The following PLD5 variants were observed in gnomAD, a reference collection of about 807,000 sequenced individuals.
PLD5 encodes inactive phospholipase D5.
A neutral mutation model predicts 61.1 loss-of-function variants in PLD5; 36 were observed. The ratio of observed to expected loss-of-function variants is 0.59; its 90% CI spans 0.45 to 0.78. The LOEUF (loss-of-function observed/expected upper bound fraction) is 0.78. Ranked by LOEUF, PLD5 falls within the 30% of genes least tolerant of loss-of-function variation. The pLI is 0.00. For missense variants in PLD5, 515 were observed against 644.4 expected (o/e 0.80, Z 2.17); for synonymous variants, 243 against 242.8 (o/e 1.00, Z -0.01).
chr1:242,315,884 G>A (rs1480772631), intron 2 of PLD5, among the ~76,000 whole-genome samples: 1 of 152,176 alleles, frequency 6.6e-6, no homozygotes, highest in Non-Finnish European at 1.5e-5. Flanking sequence ...AGTTTGATAA[G>A]ACAGCCTCAG....
At chr1:242,324,042 C>T (rs112235024) in intron 2 of PLD5, among the ~76,000 whole-genome samples, 1 of 151,606 alleles carries the variant, frequency 6.6e-6, no homozygotes, top group Admixed American at 6.6e-5. Context: ...TCTTTATCTT[C>T]ACCAGATGCA....
chr1:242,202,355 T>C (rs11577736), intron 5 of PLD5, among the ~76,000 whole-genome samples: 18,254 of 152,210 alleles, frequency 0.12, 1,218 homozygotes, highest in South Asian at 0.25. Context: ...CTAATAATAA[T>C]AATCATGGTG....
intron 2 of PLD5, among the ~76,000 whole-genome samples, chr1:242,346,888 T>A (rs1390366432): frequency 6.6e-6 from 1 of 152,218 alleles, no homozygotes; most frequent in Non-Finnish European, 1.5e-5. Context: ...CTCCCACTTA[T>A]AAGTCAGAAC....
chr1:242,210,208 C>A (rs537656585), intron 5 of PLD5, among the ~76,000 whole-genome samples: 17 of 152,290 alleles, frequency 1.1e-4, no homozygotes, highest in African/African-American at 4.1e-4. Flanking sequence ...AGGAAAAGTT[C>A]TTGAAGAAAA....
At chr1:242,257,036 C>CTAT (rs1673095217) in intron 4 of PLD5, among the ~76,000 whole-genome samples, 1 of 136,430 alleles carries the variant, frequency 7.3e-6, no homozygotes, top group African/African-American at 2.8e-5. Context: ...TACCTACCTA[C>CTAT]CTTCTATCTA....
Position 242,288,414 on chromosome 1 carries a change from T to G in PLD5, c.443A>C (p.Asp148Ala), listed in dbSNP as rs778471016. ...GAGATCCCAATGGGAAGACACTATG[T>G]CAACAGACTTTTTGGCCATGTTGAG... ...NLLNMAKKSV[D>A]IVSSHWDLNH... The change falls in exon 3 of 10, where the codon GAC (aspartate) becomes GCC (alanine). Residue 148 changes from aspartate (D) to alanine (A), a missense_variant. This residue lies in a region of PLD5 where 450 missense variants were observed against 598.1 expected (regional missense o/e 0.75). Transcript: ENST00000536534. 59 of 1,612,648 alleles carry G rather than the reference T, an allele frequency of 3.7e-5. No homozygotes were observed. In the South Asian group the frequency reaches 6.5e-4, roughly 18 times the overall value.
chr1:242,298,502 C>T lies in PLD5; in HGVS notation c.327-9972G>A, dbSNP rs192916918. Among the ~76,000 whole-genome samples, 140 of 152,212 alleles carry T rather than the reference C, an allele frequency of 9.2e-4. 1 individual carries two copies. In the Middle Eastern group the frequency reaches 0.01, roughly 11 times the overall value. On this transcript the variant is annotated intron_variant, in intron 2 of 9. Transcript: ENST00000536534. ...ATGCCACTGAGCTGGGATTTTAATT[C>T]AGGTTTTTGTCTGAGCTTGTGTGTT...
chr1:242,528,249 A>C (rs1399803944), upstream of PLD5, among the ~76,000 whole-genome samples: 1 of 152,202 alleles, frequency 6.6e-6, no homozygotes, highest in Admixed American at 6.5e-5. Context: ...ACCTCAAGTG[A>C]TTGCTACAGG....
chr1:242,242,004 T>TAGACAC (rs1377532947), intron 4 of PLD5, among the ~76,000 whole-genome samples: 4,294 of 132,610 alleles, frequency 0.032, 89 homozygotes, highest in Middle Eastern at 0.087. Flanking sequence ...TATATATATA[T>TAGACAC]ATATATAGAC....
At chr1:242,322,136 C>A (rs1658454877) in intron 2 of PLD5, among the ~76,000 whole-genome samples, 1 of 152,192 alleles carries the variant, frequency 6.6e-6, no homozygotes, top group African/African-American at 2.4e-5. Flanking sequence ...GGCGTGAAAG[C>A]TGGCTGAAGG....
chr1:242,445,030 G>A (rs78521217), intron 1 of PLD5, among the ~76,000 whole-genome samples: 1 of 152,162 alleles, frequency 6.6e-6, no homozygotes, highest in African/African-American at 2.4e-5. Context: ...CTATGTGAAA[G>A]GCACTGCTGT....
At chr1:242,414,666 T>C (rs1005518364) in intron 1 of PLD5, among the ~76,000 whole-genome samples, 1 of 152,102 alleles carries the variant, frequency 6.6e-6, no homozygotes, top group African/African-American at 2.4e-5. Context: ...TGTAAATAAA[T>C]TAACCATACA....
chr1:242,373,873 C>T (rs529762594), intron 1 of PLD5, among the ~76,000 whole-genome samples: 9 of 151,820 alleles, frequency 5.9e-5, no homozygotes, highest in South Asian at 2.1e-4. Context: ...ATGTAAATGA[C>T]GAGTTAATGT....
chr1:242,165,451 GGAAAA>G, intron 5 of PLD5, among the ~76,000 whole-genome samples: 1 of 70,924 alleles, frequency 1.4e-5, no homozygotes, highest in East Asian at 3.1e-4. Flanking sequence ...GGCTTTAAAG[GGAAAA>G]AAAAAAAAAA....
chr1:242,511,698 T>C (rs575192568), intron 1 of PLD5, among the ~76,000 whole-genome samples: 1 of 152,206 alleles, frequency 6.6e-6, no homozygotes, highest in Non-Finnish European at 1.5e-5. Context: ...TGAGAAACTG[T>C]CATGGACAAG....
chr1:242,151,553 A>G (rs1664930078), intron 5 of PLD5, among the ~76,000 whole-genome samples: 1 of 151,930 alleles, frequency 6.6e-6, no homozygotes, highest in African/African-American at 2.4e-5. Flanking sequence ...CCTATATGTA[A>G]TATATTTTTT....
chr1:242,520,803 C>T (rs1196245601), intron 1 of PLD5, among the ~76,000 whole-genome samples: 1 of 152,166 alleles, frequency 6.6e-6, no homozygotes, highest in Non-Finnish European at 1.5e-5. Flanking sequence ...CAACCCAGCC[C>T]TAGGGAGGCT....
chr1:242,153,874 T>C (rs1014040891), intron 5 of PLD5, among the ~76,000 whole-genome samples: 1 of 152,192 alleles, frequency 6.6e-6, no homozygotes, highest in Non-Finnish European at 1.5e-5. Flanking sequence ...AAGTAGTTTT[T>C]TCCAATTTGG....
intron 1 of PLD5, among the ~76,000 whole-genome samples, chr1:242,385,657 A>G (rs1363297887): frequency 6.6e-6 from 1 of 152,170 alleles, no homozygotes; most frequent in Non-Finnish European, 1.5e-5. Flanking sequence ...TCACCCCAAC[A>G]CTAAAAATCA....
Sources: allele counts gnomAD v4.1 joint callset (sites outside exome capture counted in the v4.1 genomes callset), GRCh38; gene constraint gnomAD v4.1.1; regional missense constraint gnomAD v4.1.1; transcripts MANE v1.5; gene names NCBI Gene and HGNC (gene_info 2026-07-23, HGNC 2026-07-21).